EPHA3: variants seen among roughly 807,000 people sequenced by gnomAD.
EPHA3 encodes EPH receptor A3.
A neutral mutation model predicts 107.1 loss-of-function variants in EPHA3; 42 were observed. The ratio of observed to expected loss-of-function variants is 0.39; its 90% CI spans 0.31 to 0.51. The LOEUF is 0.51. EPHA3 is among the 20% of genes least tolerant of loss of function. The pLI, the probability that EPHA3 is intolerant of heterozygous loss-of-function variation, is 0.78. For synonymous variants in EPHA3, 461 were observed against 424.8 expected, an observed-to-expected ratio of 1.09 and a Z score of -1.05; for missense variants, 1,183 against 1,211.2, an observed-to-expected ratio of 0.98 and a Z score of 0.35.
chr3:89,438,113 G>C (rs1266935434), intron 13 of EPHA3, among the ~76,000 whole-genome samples: 1 of 151,338 alleles, frequency 6.6e-6, no homozygotes, highest in Non-Finnish European at 1.5e-5. Context: ...GTTTTGTTTT[G>C]TTTTGTTTTT....
chr3:89,278,462 G>A (rs1391911025), intron 3 of EPHA3, among the ~76,000 whole-genome samples: 1 of 152,148 alleles, frequency 6.6e-6, no homozygotes. Context: ...TTTGCTCTCA[G>A]TGTCTGCCGT....
At chr3:89,324,978 T>TC (rs1288787904) in intron 3 of EPHA3, among the ~76,000 whole-genome samples, 2 of 152,178 alleles carry the variant, frequency 1.3e-5, no homozygotes, top group Non-Finnish European at 2.9e-5. Context: ...CCTGCCTAAT[T>TC]CACTTCGCAT....
At chr3:89,155,407 A>G (rs1180106841) in intron 2 of EPHA3, among the ~76,000 whole-genome samples, 1 of 152,082 alleles carries the variant, frequency 6.6e-6, no homozygotes, top group Admixed American at 6.6e-5. Context: ...ACTAGTGACA[A>G]TATGTACTGT....
chr3:89,305,956 G>T (rs1706610653), intron 3 of EPHA3, among the ~76,000 whole-genome samples: 3 of 152,176 alleles, frequency 2.0e-5, no homozygotes. Context: ...GAAAAGAAAA[G>T]GACTACATAT....
chr3:89,369,745 G>C lies in EPHA3; in HGVS notation c.1307-26092G>C, dbSNP rs867337873. 4.1e-5 allele frequency among the ~76,000 whole-genome samples: 6 copies of C among 147,638 alleles called. 1 individual carries two copies. The highest frequency in any genetic ancestry group is 2.0e-4 in the Admixed American group (3 of 14,754). On this transcript the variant is annotated intron_variant, in intron 5 of 16. Transcript: ENST00000336596. The stretch of plus-strand genomic sequence containing the variant: ...ACCTACAAAATGGGAGAAAATTTTC[G>C]CAACCTACTCATCTGACAAAGGGCT...
intron 3 of EPHA3, among the ~76,000 whole-genome samples, chr3:89,298,423 T>TA (rs1321771401): frequency 3.9e-5 from 6 of 152,212 alleles, no homozygotes; most frequent in African/African-American, 1.4e-4. Context: ...TAGAAATTCT[T>TA]ACAGCAGTAA....
intron 2 of EPHA3, among the ~76,000 whole-genome samples, chr3:89,190,786 A>G (rs1030702874): frequency 1.3e-5 from 2 of 152,204 alleles, no homozygotes; most frequent in African/African-American, 2.4e-5. Context: ...TGGCTTATAA[A>G]TGGCTGTCTT....
chr3:89,278,129 T>C (rs550403804), intron 3 of EPHA3, among the ~76,000 whole-genome samples: 26 of 152,216 alleles, frequency 1.7e-4, no homozygotes, highest in Non-Finnish European at 3.5e-4. Flanking sequence ...AAAATACTTT[T>C]CTTTTGGAGA....
At chr3:89,375,496 C>T (rs899929107) in intron 5 of EPHA3, among the ~76,000 whole-genome samples, 3 of 151,392 alleles carry the variant, frequency 2.0e-5, no homozygotes, top group African/African-American at 4.9e-5. Context: ...AGTGGGAGCC[C>T]GTTTGGAATA....
chr3:89,162,663 T>A (rs1704977099), intron 2 of EPHA3, among the ~76,000 whole-genome samples: 1 of 152,206 alleles, frequency 6.6e-6, no homozygotes, highest in Non-Finnish European at 1.5e-5. Flanking sequence ...GAAGCAGGAA[T>A]GGACAGAAGG....
At chr3:89,180,102 C>T (rs189049851) in intron 2 of EPHA3, among the ~76,000 whole-genome samples, 94 of 151,558 alleles carry the variant, frequency 6.2e-4, no homozygotes, top group African/African-American at 2.2e-3. Flanking sequence ...TATTTGTTTC[C>T]GTGTTTTTCT....
intron 3 of EPHA3, among the ~76,000 whole-genome samples, chr3:89,258,306 T>A (rs1705333928): frequency 6.6e-6 from 1 of 152,202 alleles, no homozygotes; most frequent in Admixed American, 6.5e-5. Context: ...TGATATGTGA[T>A]CTTGACTGGA....
intron 6 of EPHA3, 133 bp downstream of exon 6, chr3:89,396,094 C>G: frequency 8.3e-7 from 1 of 1,205,106 alleles, no homozygotes; most frequent in Non-Finnish European, 1.1e-6. Context: ...GCCCTGTGAC[C>G]CCTTTGATTT....
chr3:89,167,383 GATAAAGCAT>G (rs1351390585), intron 2 of EPHA3, among the ~76,000 whole-genome samples: 1 of 151,892 alleles, frequency 6.6e-6, no homozygotes, highest in Non-Finnish European at 1.5e-5. Flanking sequence ...TCAATAAGAA[GATAAAGCAT>G]AACTACAAGA....
intron 13 of EPHA3, among the ~76,000 whole-genome samples, chr3:89,437,185 A>T (rs558220042): frequency 2.6e-5 from 4 of 152,304 alleles, no homozygotes; most frequent in African/African-American, 9.6e-5. Flanking sequence ...ATACTTTACT[A>T]GGAAAAAAGT....
At chr3:89,293,018 C>T (rs1024454653) in intron 3 of EPHA3, among the ~76,000 whole-genome samples, 32 of 152,162 alleles carry the variant, frequency 2.1e-4, no homozygotes, top group Admixed American at 7.9e-4. Flanking sequence ...TATTGTCAGT[C>T]TTTTTAATTT....
At chr3:89,259,893 C>T (rs1705374581) in intron 3 of EPHA3, among the ~76,000 whole-genome samples, 1 of 152,132 alleles carries the variant, frequency 6.6e-6, no homozygotes, top group African/African-American at 2.4e-5. Flanking sequence ...TTTTCAGATG[C>T]CACTATAAGT....
chr3:89,385,953 A>G (rs1304268520), intron 5 of EPHA3, among the ~76,000 whole-genome samples: 1 of 152,208 alleles, frequency 6.6e-6, no homozygotes, highest in Non-Finnish European at 1.5e-5. Flanking sequence ...GGCAGCCGGA[A>G]TAAAGTGCTT....
intron 2 of EPHA3, among the ~76,000 whole-genome samples, chr3:89,131,250 A>G (rs1323344333): frequency 8.5e-5 from 13 of 152,190 alleles, no homozygotes; most frequent in Admixed American, 8.5e-4. Flanking sequence ...CTGGCCCTAT[A>G]AACTATGAAT....
Sources: allele counts gnomAD v4.1 joint callset (sites outside exome capture counted in the v4.1 genomes callset), GRCh38; gene constraint gnomAD v4.1.1; transcripts MANE v1.5; gene names NCBI Gene and HGNC (gene_info 2026-07-23, HGNC 2026-07-21).